Variants in GATA3 observed in about 807,000 individuals in gnomAD.
The protein encoded by GATA3 is GATA binding protein 3, also known as trans-acting T-cell-specific transcription factor GATA-3.
Under a neutral mutation model 36.0 loss-of-function variants are expected in GATA3, and 6 were observed. The observed-to-expected ratio is 0.17, with a 90% CI of 0.09 to 0.33. The LOEUF (loss-of-function observed/expected upper bound fraction) is 0.33, where lower values mean the gene tolerates loss of function less well. Among genes scored for constraint, GATA3 ranks in the 10% least tolerant of loss-of-function variants. GATA3 has a pLI of 1.00. For synonymous variants in GATA3, 326 were observed against 273.0 expected (o/e 1.19, Z -1.92); for missense variants, 514 against 610.1 (o/e 0.84, Z 1.66).
At chr10:8,060,589 G>C (rs1199112577) in intron 3 of GATA3, among the ~76,000 whole-genome samples, 1 of 151,930 alleles carries the variant, frequency 6.6e-6, no homozygotes, top group Middle Eastern at 3.4e-3. Context: ...GGGAGAGCTC[G>C]TGGTATCTGA....
Position 8,063,981 on chromosome 10 carries a change from T to C in GATA3, c.779-12T>C. ...CCTTCCCTAAGTGGCTTATCTGTGCTTTTGTTTCCAGAAGGCAGGGAGTGT... is the reference window on the plus strand; with the variant it reads ...CCTTCCCTAAGTGGCTTATCTGTGCCTTTGTTTCCAGAAGGCAGGGAGTGT... On this transcript the variant is annotated splice_polypyrimidine_tract_variant and intron_variant, in intron 3 of 5. Coordinates refer to ENST00000379328, the MANE Select transcript of GATA3 (RefSeq NM_001002295.2). 1 of 1,614,244 alleles carries C rather than the reference T, an allele frequency of 6.2e-7. No individual in the cohort carries two copies. The highest frequency in any genetic ancestry group is 8.5e-7 in the Non-Finnish European group (1 of 1,180,042).
intron 3 of GATA3, among the ~76,000 whole-genome samples, chr10:8,060,028 C>T (rs1832721148): frequency 6.6e-6 from 1 of 152,174 alleles, no homozygotes; most frequent in African/African-American, 2.4e-5. Flanking sequence ...AAACCGAGCT[C>T]CCAAAGCTCC....
At chr10:8,056,009 C>G (rs978341178) in intron 2 of GATA3, 113 bp downstream of exon 2, 36 of 1,391,600 alleles carry the variant, frequency 2.6e-5, no homozygotes, top group Non-Finnish European at 3.6e-5. Flanking sequence ...CCCCATCTGC[C>G]GTTCCTGGTT....
intron 5 of GATA3, among the ~76,000 whole-genome samples, chr10:8,071,994 G>T: frequency 6.6e-6 from 1 of 152,226 alleles, no homozygotes; most frequent in East Asian, 1.9e-4. Context: ...ATTTGATGTG[G>T]GAGTAGATTC....
At chr10:8,047,469 T>G (rs761511305) in intron 1 of GATA3, among the ~76,000 whole-genome samples, 3 of 152,270 alleles carry the variant, frequency 2.0e-5, no homozygotes, top group Non-Finnish European at 1.5e-5. Flanking sequence ...CTGGTATATC[T>G]TTGTGTGCAG....
chr10:8,055,561 G>A lies in GATA3; in HGVS notation c.-95G>A. On this transcript the variant is annotated 5_prime_UTR_variant, in exon 2 of 6. Transcript: ENST00000379328. This position sits in a 1 kb window ranked among gnomAD's most constrained non-coding sequence, Gnocchi z 5.4. ...ATCATTCAACGACCCCCGACCCTCC[G>A]ACGGCAGGAGCCCCCCGACCTCCCA... 2 of 1,369,602 alleles carry A rather than the reference G, an allele frequency of 1.5e-6. No homozygotes were observed. Among genetic ancestry groups the A allele is most frequent in the Non-Finnish European group, 1.9e-6 (2 of 1,036,742 alleles). 84.8% of individuals were successfully genotyped at this position (1,369,602 alleles called of 1,614,324 possible).
Position 8,075,063 on chromosome 10 carries a change from C to T in GATA3, c.*1040C>T, listed in dbSNP as rs552157419. ...AGCGTGCATGTCAGCGACCCTGGCCCGACAGGCCACGTCCTGCAATCGGCC... is the reference window on the plus strand; with the variant it reads ...AGCGTGCATGTCAGCGACCCTGGCCTGACAGGCCACGTCCTGCAATCGGCC... On this transcript the variant is annotated 3_prime_UTR_variant, in exon 6 of 6. Coordinates refer to ENST00000379328, the MANE Select transcript of GATA3 (RefSeq NM_001002295.2). 14 of 233,268 alleles carry T rather than the reference C, an allele frequency of 6.0e-5. No homozygotes were observed. Among genetic ancestry groups the T allele is most frequent in the South Asian group, 1.8e-4 (1 of 5,530 alleles). 14.4% of individuals were successfully genotyped at this position (233,268 alleles called of 1,614,324 possible).
intron 5 of GATA3, among the ~76,000 whole-genome samples, chr10:8,072,460 G>A (rs781462298): frequency 3.9e-5 from 6 of 152,210 alleles, no homozygotes; most frequent in Non-Finnish European, 7.3e-5. Context: ...CCGGGCAGAT[G>A]TCTGCTGTTG....
At chr10:8,064,470 G>T (rs927185615) in intron 4 of GATA3, among the ~76,000 whole-genome samples, 2 of 152,084 alleles carry the variant, frequency 1.3e-5, no homozygotes, top group Non-Finnish European at 2.9e-5. Flanking sequence ...GGTATGAACA[G>T]GACCAGAGCA....
Position 8,058,731 on chromosome 10 carries a change from C to T in GATA3, c.668C>T (p.Pro223Leu), listed in dbSNP as rs1400015722. ...ACCCACCACCCCATCACCACCTACC[C>T]GCCCTACGTGCCCGAGTACAGCTCC... ...SSTHHPITTY[P>L]PYVPEYSSGL... The change falls in exon 3 of 6, where the codon CCG (proline) becomes CTG (leucine). Residue 223 changes from proline to leucine, a missense_variant. Transcript: ENST00000379328. The T allele has an allele frequency of 6.2e-7, 1 of 1,612,496 alleles. No homozygotes were observed. The highest frequency in any genetic ancestry group is 1.1e-5 in the South Asian group (1 of 91,080).
At chr10:8,049,114 G>GGGT (rs1832429843), upstream of GATA3, among the ~76,000 whole-genome samples, 1 of 127,222 alleles carries the variant, frequency 7.9e-6, no homozygotes, top group African/African-American at 3.3e-5. Flanking sequence ...AAAGAAAAAA[G>GGGT]AAAAAGAAAA....
upstream of GATA3, chr10:8,050,335 G>A (rs1251338107): frequency 2.0e-5 from 3 of 152,314 alleles, no homozygotes; most frequent in Admixed American, 1.3e-4. Flanking sequence ...CAAAGCTCTG[G>A]CCCCCGGCCT....
Position 8,058,166 on chromosome 10 carries a change from TGA to T in GATA3, c.242-133_242-132del, listed in dbSNP as rs369699311. 21 of 36,950 alleles carry T rather than the reference TGA, an allele frequency of 5.7e-4. 2 individuals carry two copies. The highest frequency in any genetic ancestry group is 4.0e-3 in the South Asian group (2 of 494). 2.3% of individuals were successfully genotyped at this position (36,950 alleles called of 1,614,324 possible). A position where few individuals can be genotyped will look rare whatever the true frequency, so the allele number is the denominator to read the frequency against. On this transcript the variant is annotated intron_variant, in intron 2 of 5. Transcript: ENST00000379328. ...GCAGGTACTCCGGGGACCGCCAGGA[TGA>T]GAGAGTGGGCCTGAGCCCGGGCTTT...
At position 8,075,052 on chromosome 10, in the gene GATA3, C is replaced by T. The variant is rs530772797; in HGVS notation, c.*1029C>T. The stretch of plus-strand genomic sequence containing the variant: ...TATGAGCTACCAGCGTGCATGTCAG[C>T]GACCCTGGCCCGACAGGCCACGTCC... On this transcript the variant is annotated 3_prime_UTR_variant, in exon 6 of 6. Transcript: ENST00000379328. 4.7e-5 allele frequency: 11 copies of T among 233,166 alleles called. No individual in the cohort carries two copies. The South Asian group carries it at 7.2e-4, about 15-fold the overall frequency. The allele number at this position is 233,166 out of a possible 1,614,324, so 14.4% of individuals were successfully genotyped here.
At position 8,058,596 on chromosome 10, in the gene GATA3, A is replaced by C; in HGVS notation, c.533A>C (p.Gln178Pro). 1.2e-6 allele frequency: 2 copies of C among 1,611,138 alleles called. No homozygotes were observed. Residue 178 changes from glutamine to proline, a missense_variant, in exon 3 of 6, where the codon CAG (glutamine) becomes CCG (proline). Physicochemically the swap from Gln to Pro is moderately conservative, Grantham distance 76 (BLOSUM62 -1). This residue lies in a region of GATA3 where 381 missense variants were observed against 354.3 expected (regional missense o/e 1.08). Transcript: ENST00000379328. ...CCAGGCTCGGCCGGCTCGGCCCGGC[A>C]GGACGAGAAAGAGTGCCTCAAGTAC... is the stretch of plus-strand genomic sequence containing the variant. ...STPGSAGSARQDEKECLKYQV... is the reference protein window; with the variant it reads ...STPGSAGSARPDEKECLKYQV...
At position 8,055,932 on chromosome 10, in the gene GATA3, C is replaced by G; in HGVS notation, c.241+36C>G. ...CCGGGGTGCCGGGGCTCCCGCCGGC[C>G]GCTTCAGCCGTCCCGGCTCGGGGAG... On this transcript the variant is annotated intron_variant, in intron 2 of 5. Transcript: ENST00000379328. The surrounding 1 kb of genome is among the most constrained non-coding windows in gnomAD (Gnocchi z 5.4). 1.9e-6 allele frequency: 3 copies of G among 1,549,996 alleles called. No homozygotes were observed. Among genetic ancestry groups the G allele is most frequent in the Non-Finnish European group, 2.6e-6 (3 of 1,146,482 alleles).
In GATA3 at chr10:8,055,456, C is replaced by T. The variant is rs1832611910; in HGVS notation, c.-200C>T. The T allele has an allele frequency of 1.6e-6, 1 of 626,092 alleles. No homozygotes were observed. Among genetic ancestry groups the T allele is most frequent in the Admixed American group, 3.0e-5 (1 of 33,482 alleles). 38.8% of individuals were successfully genotyped at this position (626,092 alleles called of 1,614,324 possible). ...CCCCTTCTTCTCTTTGCTAAACGACCCCTCCAAGATAATTTTTAAAAAACC... is the reference window on the plus strand; with the variant it reads ...CCCCTTCTTCTCTTTGCTAAACGACTCCTCCAAGATAATTTTTAAAAAACC... On this transcript the variant is annotated 5_prime_UTR_variant, in exon 2 of 6. Transcript: ENST00000379328. This position sits in a 1 kb window ranked among gnomAD's most constrained non-coding sequence, Gnocchi z 5.4.
chr10:8,059,418 C>G lies in GATA3; in HGVS notation c.778+577C>G, dbSNP rs567910364. ...TATTCTCTGCGTGGAAAAGGGGGCT[C>G]TCAGCTGAACTGGGAGAAAGCGGTG... On this transcript the variant is annotated intron_variant, in intron 3 of 5. Transcript: ENST00000379328. Among the ~76,000 whole-genome samples, 11 of 152,342 alleles carry G rather than the reference C, an allele frequency of 7.2e-5. No homozygotes were observed. In the South Asian group the frequency reaches 1.7e-3, roughly 23 times the overall value.
chr10:8,066,008 A>T (rs1832835762), intron 4 of GATA3, among the ~76,000 whole-genome samples: 1 of 150,872 alleles, frequency 6.6e-6, no homozygotes, highest in Non-Finnish European at 1.5e-5. Context: ...GGAAAAAAAA[A>T]CAACAAACAA....
Sources: gnomAD v4.1 joint callset for allele counts (sites outside exome capture counted in the v4.1 genomes callset) on GRCh38, gnomAD v4.1.1 for gene constraint, gnomAD v4.1.1 regional missense constraint, Gnocchi (gnomAD v3.1) non-coding constraint, MANE v1.5 for transcripts, NCBI Gene and HGNC (gene_info 2026-07-23, HGNC 2026-07-21) for gene names.